The following MAP3K9 variants were observed in gnomAD, a reference collection of about 807,000 sequenced individuals.
The protein encoded by MAP3K9 is mixed lineage kinase 1 (tyr and ser/thr specificity).
In MAP3K9, 46 loss-of-function variants were observed where a neutral mutation model predicts 95.8. The observed-to-expected ratio is 0.48, with a 90% CI of 0.38 to 0.61. The LOEUF (loss-of-function observed/expected upper bound fraction) is 0.61. Ranked by LOEUF, MAP3K9 falls within the 20% of genes least tolerant of loss-of-function variation. The pLI, the probability that MAP3K9 is intolerant of heterozygous loss-of-function variation, is 0.00. For synonymous variants in MAP3K9, 533 were observed against 593.8 expected, an observed-to-expected ratio of 0.90 and a Z score of 1.49; for missense variants, 1,296 against 1,474.3, an observed-to-expected ratio of 0.88 and a Z score of 1.98.
At chr14:70,779,326 A>G (rs900537378) in intron 2 of MAP3K9, among the ~76,000 whole-genome samples, 1 of 152,198 alleles carries the variant, frequency 6.6e-6, no homozygotes, top group Non-Finnish European at 1.5e-5. Flanking sequence ...TAAACTGAAA[A>G]AGCAACAGAC....
intron 1 of MAP3K9, among the ~76,000 whole-genome samples, chr14:70,804,546 C>A (rs2139867460): frequency 6.6e-6 from 1 of 152,296 alleles, no homozygotes; most frequent in South Asian, 2.1e-4. Context: ...CTTATTTCCT[C>A]AACTGAGTAT....
chr14:70,778,372 T>G (rs2139819796), intron 2 of MAP3K9, among the ~76,000 whole-genome samples: 1 of 151,680 alleles, frequency 6.6e-6, no homozygotes, highest in African/African-American at 2.4e-5. Flanking sequence ...GTCTCTCAGG[T>G]TCAAGCAATT....
At chr14:70,739,543 A>T (rs1244683724) in intron 7 of MAP3K9, among the ~76,000 whole-genome samples, 1 of 151,490 alleles carries the variant, frequency 6.6e-6, no homozygotes, top group African/African-American at 2.4e-5. Flanking sequence ...TGTATGTGTG[A>T]GTATTTTTTT....
chr14:70,740,030 A>G lies in MAP3K9; in HGVS notation c.1690+12T>C. 6.2e-7 allele frequency: 1 copy of G among 1,614,164 alleles called. No homozygotes were observed. Among genetic ancestry groups the G allele is most frequent in the Non-Finnish European group, 8.5e-7 (1 of 1,180,030 alleles). ...GTGTTCTGGCCCCAGCTAATTTGGG[A>G]AACAGTCTCACACTGGATGGCTCGA... is the stretch of plus-strand genomic sequence containing the variant. On this transcript the variant is annotated intron_variant, in intron 7 of 11. Coordinates refer to ENST00000554752, the MANE Select transcript of MAP3K9 (RefSeq NM_001284230.2).
chr14:70,730,317 G>T lies in MAP3K9; in HGVS notation c.*63C>A. On this transcript the variant is annotated 3_prime_UTR_variant, in exon 12 of 12. Coordinates refer to ENST00000554752, the MANE Select transcript of MAP3K9 (RefSeq NM_001284230.2). ...GGGGGTCCAACCCTGAGAAAGGGCT[G>T]TGCCCGCCAGCTCCCCTCATCTCCG... The T allele has an allele frequency of 6.4e-7, 1 of 1,552,236 alleles. No homozygotes were observed. The highest frequency in any genetic ancestry group is 8.7e-7 in the Non-Finnish European group (1 of 1,145,892).
At chr14:70,800,597 C>T in intron 2 of MAP3K9, 70 bp downstream of exon 2, 1 of 1,504,834 alleles carries the variant, frequency 6.6e-7, no homozygotes, top group Non-Finnish European at 9.1e-7. Context: ...TAGAAGTCCA[C>T]TCCTACTGAC....
chr14:70,794,248 G>T (rs1246327338), intron 2 of MAP3K9, among the ~76,000 whole-genome samples: 1 of 152,212 alleles, frequency 6.6e-6, no homozygotes, highest in Non-Finnish European at 1.5e-5. Flanking sequence ...AGGAAGACAG[G>T]TGTGCCTAGC....
chr14:70,788,573 C>T (rs114631076), intron 2 of MAP3K9, among the ~76,000 whole-genome samples: 1,685 of 152,282 alleles, frequency 0.011, 27 homozygotes, highest in African/African-American at 0.031. Flanking sequence ...ACCCACAGTT[C>T]ACATGGGCTC....
intron 5 of MAP3K9, among the ~76,000 whole-genome samples, chr14:70,745,307 C>T (rs2054130638): frequency 6.6e-6 from 1 of 152,048 alleles, no homozygotes; most frequent in Admixed American, 6.6e-5. Flanking sequence ...CATGTGAACC[C>T]ATATTGGGGA....
chr14:70,732,605 T>C lies in MAP3K9; in HGVS notation c.2764A>G (p.Lys922Glu). 1 of 1,606,696 alleles carries C rather than the reference T, an allele frequency of 6.2e-7. No individual in the cohort carries two copies. Among genetic ancestry groups the C allele is most frequent in the South Asian group, 1.1e-5 (1 of 89,966 alleles). Residue 922 changes from lysine (K) to glutamate (E), a missense_variant, in exon 11 of 12, where the codon AAG (lysine) becomes GAG (glutamate). Lys to Glu is a moderately conservative substitution (Grantham distance 56). This residue lies in a region of MAP3K9 where 433 missense variants were observed against 441.4 expected (regional missense o/e 0.98). Coordinates refer to ENST00000554752, the MANE Select transcript of MAP3K9 (RefSeq NM_001284230.2). ...HRRTPSDGAL[K>E]PETLLASRSP... ...CTGCTGGCTAGGAGAGTCTCTGGCT[T>C]AAGGGCCCCATCAGAAGGAGTCCGC...
intron 5 of MAP3K9, among the ~76,000 whole-genome samples, chr14:70,745,737 C>CA (rs1217101409): frequency 0.02 from 2,256 of 110,728 alleles, 65 homozygotes; most frequent in African/African-American, 0.067. Flanking sequence ...GACTCTGTCT[C>CA]AAAAAAAAAA....
rs1469918803 is a variant in MAP3K9, at chr14:70,809,035, C to T, written c.137G>A (p.Gly46Glu). 8.8e-5 allele frequency: 130 copies of T among 1,473,966 alleles called. No homozygotes were observed. In the East Asian group the frequency reaches 3.5e-3, roughly 40 times the overall value. 91.3% of individuals were successfully genotyped at this position (1,473,966 alleles called of 1,614,324 possible). A position where few individuals can be genotyped will look rare whatever the true frequency, so the allele number is the denominator to read the frequency against. The change falls in exon 1 of 12, where the codon GGG (glycine) becomes GAG (glutamate). Residue 46 changes from glycine to glutamate, a missense_variant. This residue lies in a region of MAP3K9 where 338 missense variants were observed against 363.4 expected (regional missense o/e 0.93). Coordinates refer to ENST00000554752, the MANE Select transcript of MAP3K9 (RefSeq NM_001284230.2). The part of the protein sequence containing the change: ...EEEAAAAVGP[G>E]ELGCDAPLPY... ...CAGCGGCGCGTCGCAGCCCAGCTCC[C>T]CGGGGCCCACCGCCGCCGCCGCCTC...
intron 2 of MAP3K9, among the ~76,000 whole-genome samples, chr14:70,763,328 T>G (rs774239666): frequency 7.2e-5 from 11 of 152,200 alleles, no homozygotes; most frequent in Non-Finnish European, 1.3e-4. Context: ...AAGGTAATAA[T>G]AGGGCTAAAA....
intron 7 of MAP3K9, 54 bp from the exon 8 acceptor site, chr14:70,738,452 C>A: frequency 5.2e-6 from 8 of 1,529,118 alleles, no homozygotes; most frequent in Non-Finnish European, 7.2e-6. Context: ...CAGGGCTCCC[C>A]CAAACTAGCC....
rs1163195973 is a variant in MAP3K9, at chr14:70,724,873, A to T, written c.*5507T>A. ...TCCGGTAGGAGAGGCCTGTCTGTGC[A>T]CCCCTGGAATGGTATTCTGCTGTCC... On this transcript the variant is annotated 3_prime_UTR_variant, in exon 12 of 12. Coordinates refer to ENST00000554752, the MANE Select transcript of MAP3K9 (RefSeq NM_001284230.2). 3 of 152,138 alleles carry T rather than the reference A, an allele frequency of 2.0e-5. No individual in the cohort carries two copies. Among genetic ancestry groups the T allele is most frequent in the Non-Finnish European group, 4.4e-5 (3 of 68,034 alleles). 9.4% of individuals were successfully genotyped at this position (152,138 alleles called of 1,614,324 possible).
Position 70,738,339 on chromosome 14 carries a change from C to T in MAP3K9, c.1750G>A (p.Gly584Arg), listed in dbSNP as rs1436945562. ...GGGGCCCTCTTCTCCTCCTCCTCCC[C>T]TTCCTCCTTTGGGACGACTGAGCTC... ...GRSSVVPKEEGEEEEKRAPKK... is the reference protein window; with the variant it reads ...GRSSVVPKEEREEEEKRAPKK... The change falls in exon 8 of 12, where the codon GGG (glycine) becomes AGG (arginine). Residue 584 changes from glycine to arginine, a missense_variant. This residue lies in a region of MAP3K9 where 377 missense variants were observed against 417.1 expected (regional missense o/e 0.90). Transcript: ENST00000554752. 7 of 1,614,036 alleles carry T rather than the reference C, an allele frequency of 4.3e-6. No homozygotes were observed. The highest frequency in any genetic ancestry group is 1.3e-5 in the African/African-American group (1 of 74,934).
intron 5 of MAP3K9, 152 bp downstream of exon 5, chr14:70,748,677 T>G (rs79588155): frequency 0.16 from 98,465 of 603,788 alleles, 9,109 homozygotes; most frequent in East Asian, 0.26. Flanking sequence ...GTTTGGACAA[T>G]TAAGTAGATA....
chr14:70,799,074 T>C (rs1297301093), intron 2 of MAP3K9, among the ~76,000 whole-genome samples: 2 of 152,226 alleles, frequency 1.3e-5, no homozygotes, highest in African/African-American at 4.8e-5. Flanking sequence ...ATATGCCAAA[T>C]GTAATAGTTG....
chr14:70,742,808 A>T (rs757400897), intron 5 of MAP3K9, among the ~76,000 whole-genome samples: 3 of 152,038 alleles, frequency 2.0e-5, no homozygotes, highest in Non-Finnish European at 4.4e-5. Flanking sequence ...CTGACGGGAC[A>T]GTCAGAGAAG....
Sources: allele counts gnomAD v4.1 joint callset (sites outside exome capture counted in the v4.1 genomes callset), GRCh38; gene constraint gnomAD v4.1.1; regional missense constraint gnomAD v4.1.1; transcripts MANE v1.5; gene names NCBI Gene and HGNC (gene_info 2026-07-23, HGNC 2026-07-21).